Variants in EIF4G3 observed in about 807,000 individuals in gnomAD.
The protein encoded by EIF4G3 is eukaryotic translation initiation factor 4 gamma 3.
Under a neutral mutation model 186.4 loss-of-function variants are expected in EIF4G3, and 34 were observed. That is an observed-to-expected ratio of 0.18 (90% CI 0.14 to 0.24). The LOEUF (loss-of-function observed/expected upper bound fraction) is 0.24, where lower values mean the gene tolerates loss of function less well. EIF4G3 is among the 10% of genes least tolerant of loss of function. EIF4G3 has a pLI of 1.00. For synonymous variants in EIF4G3, 673 were observed against 679.5 expected (o/e 0.99, Z 0.15); for missense variants, 1,536 against 1,948.5 (o/e 0.79, Z 3.99).
At chr1:20,978,339 G>C (rs2077271264) in intron 10 of EIF4G3, among the ~76,000 whole-genome samples, 1 of 151,976 alleles carries the variant, frequency 6.6e-6, no homozygotes, top group South Asian at 2.1e-4. Context: ...ACACATTATT[G>C]TTCTGAAAAT....
chr1:20,962,776 T>C (rs1039789751), intron 12 of EIF4G3, among the ~76,000 whole-genome samples: 1 of 152,200 alleles, frequency 6.6e-6, no homozygotes, highest in African/African-American at 2.4e-5. Flanking sequence ...TCACAGGGTA[T>C]TTTAAGCGGA....
chr1:21,000,586 C>T (rs1372901061), intron 6 of EIF4G3, among the ~76,000 whole-genome samples: 1 of 151,282 alleles, frequency 6.6e-6, no homozygotes, highest in Non-Finnish European at 1.5e-5. Flanking sequence ...ACTTCACCCT[C>T]CCAGCACAAA....
At chr1:21,166,705 C>T (rs1427189566) in intron 2 of EIF4G3, among the ~76,000 whole-genome samples, 1 of 152,044 alleles carries the variant, frequency 6.6e-6, no homozygotes, top group Non-Finnish European at 1.5e-5. Context: ...TGTACTCCAG[C>T]TTGGGTGACA....
intron 10 of EIF4G3, among the ~76,000 whole-genome samples, chr1:20,974,457 G>A (rs1202770405): frequency 6.6e-6 from 1 of 152,098 alleles, no homozygotes; most frequent in African/African-American, 2.4e-5. Context: ...GTGCTGAAGA[G>A]GTCAAATAAG....
intron 18 of EIF4G3, among the ~76,000 whole-genome samples, chr1:20,890,185 C>G (rs145957510): frequency 6.6e-6 from 1 of 152,004 alleles, no homozygotes; most frequent in East Asian, 1.9e-4. Flanking sequence ...GTTGGCCAGG[C>G]TGGTCTCGAA....
At chr1:21,089,966 T>C (rs12084337) in intron 2 of EIF4G3, among the ~76,000 whole-genome samples, 4,994 of 152,282 alleles carry the variant, frequency 0.033, 271 homozygotes, top group African/African-American at 0.11. Flanking sequence ...GAGCTCAAGA[T>C]ACAGGCAAAA....
At position 20,968,109 on chromosome 1, in the gene EIF4G3, G is replaced by A. The variant is rs1325929466; in HGVS notation, c.714+1365C>T. On this transcript the variant is annotated intron_variant, in intron 12 of 36. Transcript: ENST00000602326. ...TCACTTTAGATAATTTTTAAGATCT[G>A]AAAACCACGTGTCTCTATATCATTT... Among the ~76,000 whole-genome samples the A allele has an allele frequency of 2.0e-5, 3 of 152,026 alleles. No individual in the cohort carries two copies. The East Asian group carries it at 5.8e-4, about 29-fold the overall frequency.
intron 3 of EIF4G3, among the ~76,000 whole-genome samples, chr1:21,058,347 ACTT>A (rs1449223622): frequency 2.0e-5 from 3 of 152,162 alleles, no homozygotes; most frequent in African/African-American, 7.2e-5. Flanking sequence ...AAGCAGTGCT[ACTT>A]CTTCAAAATT....
chr1:20,839,178 C>CA (rs920344239), intron 30 of EIF4G3, among the ~76,000 whole-genome samples: 7 of 151,954 alleles, frequency 4.6e-5, no homozygotes, highest in Admixed American at 4.6e-4. Flanking sequence ...GGGGTTTCAC[C>CA]ATGTTAGCCA....
At chr1:21,068,090 G>A (rs1015052033) in intron 3 of EIF4G3, among the ~76,000 whole-genome samples, 1 of 151,486 alleles carries the variant, frequency 6.6e-6, no homozygotes. Flanking sequence ...CAAAAAGAAG[G>A]GTCCGGGCAC....
intron 5 of EIF4G3, among the ~76,000 whole-genome samples, chr1:21,002,507 CTTCT>C (rs1386638541): frequency 1.3e-5 from 2 of 152,160 alleles, no homozygotes. Context: ...AGCTCCACCT[CTTCT>C]TTTTCTCAAT....
intron 7 of EIF4G3, among the ~76,000 whole-genome samples, chr1:20,990,774 C>T (rs2080923525): frequency 6.6e-6 from 1 of 152,206 alleles, no homozygotes; most frequent in African/African-American, 2.4e-5. Flanking sequence ...AACATATATA[C>T]ACTGGGAAAC....
chr1:20,868,270 G>T (rs773494753), intron 20 of EIF4G3, among the ~76,000 whole-genome samples: 5 of 151,802 alleles, frequency 3.3e-5, no homozygotes, highest in Non-Finnish European at 7.4e-5. Context: ...CATAGACTGG[G>T]TGGCTTAAAC....
chr1:21,144,470 T>A (rs1196648382), intron 2 of EIF4G3, among the ~76,000 whole-genome samples: 1 of 151,862 alleles, frequency 6.6e-6, no homozygotes, highest in Non-Finnish European at 1.5e-5. Flanking sequence ...TTGCCTAGGC[T>A]GGTCTCAAAC....
At chr1:20,871,043 T>C (rs2079056878) in intron 20 of EIF4G3, among the ~76,000 whole-genome samples, 1 of 152,188 alleles carries the variant, frequency 6.6e-6, no homozygotes, top group Non-Finnish European at 1.5e-5. Flanking sequence ...CAATTTCCTC[T>C]ATAAATCTAA....
chr1:21,002,721 G>C lies in EIF4G3; in HGVS notation c.22C>G (p.Arg8Gly), dbSNP rs775723043. The change falls in exon 5 of 37, where the codon CGT becomes GGT. Residue 8 changes from arginine (R) to glycine (G), a missense_variant. By Grantham distance (125) the Arg-to-Gly change is moderately radical. This residue lies in a region of EIF4G3 where 194 missense variants were observed against 212.8 expected (regional missense o/e 0.91). Transcript: ENST00000602326. Reference sequence around the variant, plus strand: ...AGCTTCTGCTTACTTACCGGAGAACGGGTTTGAGGTTGTGAATTCATTGTC... The same window carrying C: ...AGCTTCTGCTTACTTACCGGAGAACCGGTTTGAGGTTGTGAATTCATTGTC... MNSQPQT[R>G]SPPSRTVPIH... 3 of 1,613,182 alleles carry C rather than the reference G, an allele frequency of 1.9e-6. No individual in the cohort carries two copies. Among genetic ancestry groups the C allele is most frequent in the African/African-American group, 1.3e-5 (1 of 74,870 alleles).
chr1:21,080,603 G>C (rs1028494657), intron 3 of EIF4G3, among the ~76,000 whole-genome samples: 2 of 152,106 alleles, frequency 1.3e-5, no homozygotes, highest in Non-Finnish European at 2.9e-5. Flanking sequence ...TCTGCCTCCG[G>C]GGTTCAAGCA....
intron 2 of EIF4G3, among the ~76,000 whole-genome samples, chr1:21,128,112 C>T (rs1348282192): frequency 6.6e-6 from 1 of 151,482 alleles, no homozygotes; most frequent in Non-Finnish European, 1.5e-5. Flanking sequence ...GAGGCTGAGG[C>T]AGGAGAATGG....
chr1:20,854,930 A>T (rs2074446832), intron 26 of EIF4G3, 48 bp downstream of exon 26: 1 of 1,517,190 alleles, frequency 6.6e-7, no homozygotes, highest in Non-Finnish European at 9.1e-7. Context: ...CTGTAAGGCA[A>T]ATGCTAACAA....
Sources: allele counts gnomAD v4.1 joint callset (sites outside exome capture counted in the v4.1 genomes callset), GRCh38; gene constraint gnomAD v4.1.1; regional missense constraint gnomAD v4.1.1; transcripts MANE v1.5; gene names NCBI Gene and HGNC (gene_info 2026-07-23, HGNC 2026-07-21).